Variants in PKNOX2 observed in about 807,000 individuals in gnomAD.
PKNOX2 encodes PBX/knotted 1 homeobox 2, also known as homeobox protein PKNOX2.
Under a neutral mutation model 53.1 loss-of-function variants are expected in PKNOX2, and 14 were observed. The observed-to-expected ratio is 0.26, with a 90% CI of 0.17 to 0.41. The LOEUF is 0.41. Among genes scored for constraint, PKNOX2 ranks in the 10% least tolerant of loss-of-function variants. The pLI is 1.00. For missense variants in PKNOX2, 496 were observed against 602.8 expected, an observed-to-expected ratio of 0.82 and a Z score of 1.85; for synonymous variants, 257 against 242.8, an observed-to-expected ratio of 1.06 and a Z score of -0.54.
At position 125,410,890 on chromosome 11, in the gene PKNOX2, G is replaced by T; in HGVS notation, c.816+14G>T. On this transcript the variant is annotated intron_variant, in intron 9 of 12. Transcript: ENST00000298282. ...CAGAACACACAGGTGAGTGTGTGTA[G>T]GTGTGTGCACATGTGCATGGTGTGG... 3 of 1,602,568 alleles carry T rather than the reference G, an allele frequency of 1.9e-6. No homozygotes were observed. The highest frequency in any genetic ancestry group is 2.6e-6 in the Non-Finnish European group (3 of 1,169,542).
intron 1 of PKNOX2, among the ~76,000 whole-genome samples, chr11:125,181,021 A>G (rs1956130121): frequency 6.6e-6 from 1 of 152,218 alleles, no homozygotes; most frequent in Non-Finnish European, 1.5e-5. Flanking sequence ...GCTTACTGAC[A>G]TCGATATTAA....
intron 2 of PKNOX2, among the ~76,000 whole-genome samples, chr11:125,310,983 G>C (rs1948767361): frequency 6.6e-6 from 1 of 152,010 alleles, no homozygotes; most frequent in Admixed American, 6.6e-5. Context: ...TTTGTTTCAA[G>C]TATTGCTTTT....
intron 5 of PKNOX2, among the ~76,000 whole-genome samples, chr11:125,374,771 T>G (rs145467558): frequency 1.2e-4 from 18 of 152,280 alleles, no homozygotes; most frequent in African/African-American, 4.3e-4. Flanking sequence ...AAGGTTATGT[T>G]AGGATTCAAT....
intron 6 of PKNOX2, among the ~76,000 whole-genome samples, chr11:125,396,246 G>A (rs369525558): frequency 6.6e-6 from 1 of 152,224 alleles, no homozygotes; most frequent in East Asian, 1.9e-4. Flanking sequence ...GAGCCACTGT[G>A]CCCAGCCTGG....
At chr11:125,237,702 C>T (rs958906698) in intron 2 of PKNOX2, among the ~76,000 whole-genome samples, 2 of 152,180 alleles carry the variant, frequency 1.3e-5, no homozygotes, top group Non-Finnish European at 2.9e-5. Flanking sequence ...CCTGGGCAGG[C>T]CATGCTGGTG....
intron 1 of PKNOX2, among the ~76,000 whole-genome samples, chr11:125,213,934 G>A (rs1940184979): frequency 6.6e-6 from 1 of 152,064 alleles, no homozygotes; most frequent in South Asian, 2.1e-4. Flanking sequence ...CCTCGCAGAA[G>A]GAGGGCCAGG....
At chr11:125,367,352 A>G (rs1952242360) in intron 4 of PKNOX2, among the ~76,000 whole-genome samples, 1 of 152,150 alleles carries the variant, frequency 6.6e-6, no homozygotes, top group Non-Finnish European at 1.5e-5. Context: ...AAATTTGGAG[A>G]GCCATTCAGT....
At chr11:125,384,412 G>A (rs942438369) in intron 5 of PKNOX2, among the ~76,000 whole-genome samples, 8 of 152,178 alleles carry the variant, frequency 5.3e-5, no homozygotes, top group African/African-American at 1.9e-4. Flanking sequence ...GCCAGGCCGG[G>A]TGGTGGCTCA....
Position 125,431,645 on chromosome 11 carries a change from T to C in PKNOX2, c.*253T>C. On this transcript the variant is annotated 3_prime_UTR_variant, in exon 13 of 13. Transcript: ENST00000298282. ...TTGGCGGGGCCAGTCGAGCAGCCTG[T>C]GTGGAAAGACAGGAGTGAGATCTGG... is the stretch of plus-strand genomic sequence containing the variant. 1 of 517,354 alleles carries C rather than the reference T, an allele frequency of 1.9e-6. No individual in the cohort carries two copies. Among genetic ancestry groups the C allele is most frequent in the East Asian group, 3.4e-5 (1 of 29,458 alleles). 32.0% of individuals were successfully genotyped at this position (517,354 alleles called of 1,614,324 possible).
intron 7 of PKNOX2, among the ~76,000 whole-genome samples, chr11:125,407,882 C>T: frequency 6.6e-6 from 1 of 152,310 alleles, no homozygotes; most frequent in Non-Finnish European, 1.5e-5. Flanking sequence ...GCAGTCTCAT[C>T]GCTGAAAACT....
In PKNOX2 at chr11:125,422,398, G is replaced by A. The variant is rs570336558; in HGVS notation, c.937-6614G>A. The stretch of plus-strand genomic sequence containing the variant: ...GACCTCAGACTCCTGCCTGTGGGGT[G>A]AGAGTGTTTTCTCCACCCATCCTTC... On this transcript the variant is annotated intron_variant, in intron 10 of 12. Transcript: ENST00000298282. This position sits in a 1 kb window ranked among gnomAD's most constrained non-coding sequence, Gnocchi z 4.1. 7.2e-5 allele frequency among the ~76,000 whole-genome samples: 11 copies of A among 152,272 alleles called. No homozygotes were observed. The South Asian group carries it at 8.3e-4, about 11-fold the overall frequency.
intron 7 of PKNOX2, among the ~76,000 whole-genome samples, chr11:125,400,414 C>T (rs148582807): frequency 1.6e-3 from 249 of 152,254 alleles, no homozygotes; most frequent in African/African-American, 5.8e-3. Flanking sequence ...CTGCTGGATT[C>T]ATCTTTCTAA....
chr11:125,265,587 G>T (rs934671704), intron 2 of PKNOX2, among the ~76,000 whole-genome samples: 2 of 152,150 alleles, frequency 1.3e-5, no homozygotes, highest in African/African-American at 4.8e-5. Context: ...CTGCTCAGTT[G>T]TGCTTGGGTT....
Position 125,376,756 on chromosome 11 carries a change from C to T in PKNOX2, c.227+8771C>T, listed in dbSNP as rs778254549. On this transcript the variant is annotated intron_variant, in intron 5 of 12. Coordinates refer to ENST00000298282, the MANE Select transcript of PKNOX2 (RefSeq NM_001382323.2). ...TGTGTGCCATATACTGTGCCTAACC[C>T]TTGGGAGTTCAGAGAGAGAGAAAAT... 9.9e-4 allele frequency among the ~76,000 whole-genome samples: 151 copies of T among 152,148 alleles called. 2 individuals carry two copies. Among genetic ancestry groups the T allele is most frequent in the Non-Finnish European group, 1.9e-4 (13 of 68,032 alleles).
At chr11:125,411,960 C>T (rs1212869148) in intron 10 of PKNOX2, 95 bp downstream of exon 10, 11 of 1,570,654 alleles carry the variant, frequency 7.0e-6, no homozygotes, top group Non-Finnish European at 9.5e-6. Context: ...TCCAAACCCA[C>T]AGACAGAGGG....
At chr11:125,180,188 A>G (rs1956074972) in intron 1 of PKNOX2, among the ~76,000 whole-genome samples, 1 of 152,104 alleles carries the variant, frequency 6.6e-6, no homozygotes. Context: ...CTCCAATATC[A>G]TCATCTCAAT....
chr11:125,367,915 A>C lies in PKNOX2; in HGVS notation c.157A>C (p.Ser53Arg). The C allele has an allele frequency of 6.2e-7, 1 of 1,613,756 alleles. No individual in the cohort carries two copies. The highest frequency in any genetic ancestry group is 8.5e-7 in the Non-Finnish European group (1 of 1,179,914). The change falls in exon 5 of 13, where the codon AGC (serine) becomes CGC (arginine). Residue 53 changes from serine (S) to arginine (R), a missense_variant. Ser to Arg is a moderately radical substitution (Grantham distance 110). Coordinates refer to ENST00000298282, the MANE Select transcript of PKNOX2 (RefSeq NM_001382323.2). ...VHISAPSAAA[S>R]TPVPSAPIDP... Reference sequence around the variant, plus strand: ...CATCTCTGCCCCCTCAGCTGCTGCCAGCACACCTGTGCCCAGTGCCCCCAT... The same window carrying C: ...CATCTCTGCCCCCTCAGCTGCTGCCCGCACACCTGTGCCCAGTGCCCCCAT...
At chr11:125,336,061 G>A (rs1175518458) in intron 3 of PKNOX2, among the ~76,000 whole-genome samples, 1 of 151,820 alleles carries the variant, frequency 6.6e-6, no homozygotes, top group Admixed American at 6.6e-5. Flanking sequence ...TAGCTTTCTG[G>A]GTCAAAACAA....
At chr11:125,416,716 A>C (rs1271878334) in intron 10 of PKNOX2, among the ~76,000 whole-genome samples, 1 of 152,056 alleles carries the variant, frequency 6.6e-6, no homozygotes, top group Admixed American at 6.5e-5. Context: ...AGTTCTAATG[A>C]TTTACAGAAG....
Sources: allele counts gnomAD v4.1 joint callset (sites outside exome capture counted in the v4.1 genomes callset), GRCh38; gene constraint gnomAD v4.1.1; non-coding constraint Gnocchi (gnomAD v3.1); transcripts MANE v1.5; gene names NCBI Gene and HGNC (gene_info 2026-07-23, HGNC 2026-07-21).